Variants in NEB observed in about 807,000 individuals in gnomAD.
The protein encoded by NEB is nebulin, also known as nemaline myopathy type 2.
Under a neutral mutation model 952.2 loss-of-function variants are expected in NEB, and 512 were observed. The ratio of observed to expected loss-of-function variants is 0.54; its 90% CI spans 0.50 to 0.58. The LOEUF is 0.58. NEB is among the 20% of genes least tolerant of loss of function. The pLI, the probability that NEB is intolerant of heterozygous loss-of-function variation, is 0.00. For missense variants in NEB, 8,428 were observed against 9,231.1 expected, an observed-to-expected ratio of 0.91 and a Z score of 3.56; for synonymous variants, 2,900 against 3,149.8, an observed-to-expected ratio of 0.92 and a Z score of 2.66.
At chr2:151,517,754 A>G (rs552019813) in intron 156 of NEB, among the ~76,000 whole-genome samples, 1 of 152,306 alleles carries the variant, frequency 6.6e-6, no homozygotes, top group East Asian at 1.9e-4. Flanking sequence ...ACCTCTAAGC[A>G]TAGAAAAGGT....
At chr2:151,501,257 A>G in intron 168 of NEB, 134 bp downstream of exon 168, 1 of 561,390 alleles carries the variant, frequency 1.8e-6, no homozygotes, top group Non-Finnish European at 3.2e-6. Context: ...TCTGGAAAAC[A>G]GAAGGATTCA....
At chr2:151,498,148 G>T (rs1044920428) in intron 170 of NEB, 112 bp downstream of exon 170, 8 of 1,530,174 alleles carry the variant, frequency 5.2e-6, no homozygotes, top group Non-Finnish European at 7.1e-6. Flanking sequence ...TGTAATATAA[G>T]ATGTATTAGA....
chr2:151,620,347 GTATA>G (rs71000481), intron 72 of NEB, among the ~76,000 whole-genome samples: 2,773 of 47,790 alleles, frequency 0.058, 40 homozygotes, highest in Middle Eastern at 0.086. Context: ...GTATGTGTGT[GTATA>G]TATATATATA....
chr2:151,531,752 C>T lies in NEB; in HGVS notation c.21522+40G>A, dbSNP rs1348229289. ...ATGCCCCTCCATGTTTGCAGATGCC[C>T]CCTGAGTTTGAGAAGGTATTCAGTG... is the stretch of plus-strand genomic sequence containing the variant. On this transcript the variant is annotated intron_variant, in intron 144 of 181. Coordinates refer to ENST00000397345, the MANE Select transcript of NEB (RefSeq NM_001164508.2). 5 of 1,449,582 alleles carry T rather than the reference C, an allele frequency of 3.4e-6. No individual in the cohort carries two copies. In the Admixed American group the frequency reaches 9.0e-5, roughly 26 times the overall value. The allele number at this position is 1,449,582 out of a possible 1,614,324, so 89.8% of individuals were successfully genotyped here.
Position 151,710,531 on chromosome 2 carries a change from T to C in NEB, c.830A>G (p.Tyr277Cys), listed in dbSNP as rs1364536266. Residue 277 changes from tyrosine to cysteine, a missense_variant, in exon 11 of 182, where the codon TAC becomes TGC. Around this residue, in one of 11 missense-constraint regions of NEB, gnomAD observed 2,851 missense variants for 2,791.5 expected, o/e 1.02. Coordinates refer to ENST00000397345, the MANE Select transcript of NEB (RefSeq NM_001164508.2). ...GATTTTATTTTCATAGTCTTCTTTGTATTTTTGCTAGAAAAAAGAAAAAGA... is the reference window on the plus strand; with the variant it reads ...GATTTTATTTTCATAGTCTTCTTTGCATTTTTGCTAGAAAAAAGAAAAAGA... ...KVTNQVSKQK[Y>C]KEDYENKIKG... 6.3e-7 allele frequency: 1 copy of C among 1,591,712 alleles called. No individual in the cohort carries two copies. Among genetic ancestry groups the C allele is most frequent in the Non-Finnish European group, 8.6e-7 (1 of 1,165,848 alleles).
chr2:151,722,798 C>T (rs1196002304), intron 9 of NEB, among the ~76,000 whole-genome samples: 2 of 152,182 alleles, frequency 1.3e-5, no homozygotes, highest in Non-Finnish European at 2.9e-5. Flanking sequence ...ATCCTCCCCT[C>T]TTGGCCTCCC....
At chr2:151,499,621 T>C (rs774324371) in intron 168 of NEB, 2 of 344,364 alleles carry the variant, frequency 5.8e-6, no homozygotes, top group Non-Finnish European at 1.1e-5. Flanking sequence ...CTTGAATATA[T>C]TTATTTCCTG....
At chr2:151,552,292 A>T (rs2095384542) in intron 128 of NEB, among the ~76,000 whole-genome samples, 1 of 152,140 alleles carries the variant, frequency 6.6e-6, no homozygotes, top group Admixed American at 6.5e-5. Flanking sequence ...TGTGTGGTAG[A>T]GGTGAGACTG....
At chr2:151,488,465 A>C (rs2053063164) in intron 181 of NEB, among the ~76,000 whole-genome samples, 1 of 149,400 alleles carries the variant, frequency 6.7e-6, no homozygotes, top group Non-Finnish European at 1.5e-5. Context: ...TGGGCAACAT[A>C]GTGAGCCTCT....
At chr2:151,571,596 T>C (rs1452707477) in intron 107 of NEB, among the ~76,000 whole-genome samples, 1 of 152,242 alleles carries the variant, frequency 6.6e-6, no homozygotes, top group Non-Finnish European at 1.5e-5. Flanking sequence ...CATTTGGTAA[T>C]GTTAGATCTT....
intron 181 of NEB, chr2:151,486,171 C>T (rs934829527): frequency 4.5e-6 from 2 of 449,050 alleles, no homozygotes; most frequent in Non-Finnish European, 8.0e-6. Context: ...AATGCCTTCC[C>T]CCACCAAAAG....
intron 181 of NEB, chr2:151,486,598 T>C (rs1369084129): frequency 1.3e-5 from 2 of 152,248 alleles, no homozygotes; most frequent in African/African-American, 4.8e-5. Flanking sequence ...TGGAAACAAC[T>C]TAAATGCCCA....
At chr2:151,558,355 G>C (rs2095801410) in intron 124 of NEB, among the ~76,000 whole-genome samples, 2 of 152,078 alleles carry the variant, frequency 1.3e-5, no homozygotes, top group Admixed American at 6.6e-5. Context: ...ACTGCTCAAG[G>C]AACTAAGAGA....
chr2:151,687,328 T>G lies in NEB; in HGVS notation c.2637+91A>C, dbSNP rs964713841. 1.4e-5 allele frequency: 15 copies of G among 1,079,328 alleles called. No individual in the cohort carries two copies. The Admixed American group carries it at 2.2e-4, about 16-fold the overall frequency. The allele number at this position is 1,079,328 out of a possible 1,614,324, so 66.9% of individuals were successfully genotyped here. The stretch of plus-strand genomic sequence containing the variant: ...TGTGAATGTGATGTGAAAGAGCCCA[T>G]GCTCATGAAATTCTTTTCCACACTA... On this transcript the variant is annotated intron_variant, in intron 27 of 181. Transcript: ENST00000397345.
chr2:151,724,584 G>T (rs904473351), intron 7 of NEB, among the ~76,000 whole-genome samples: 1 of 152,162 alleles, frequency 6.6e-6, no homozygotes, highest in African/African-American at 2.4e-5. Flanking sequence ...TAGCTCCTCA[G>T]CTTCTTTGGT....
intron 129 of NEB, among the ~76,000 whole-genome samples, chr2:151,550,634 A>G (rs2095263433): frequency 6.6e-6 from 1 of 151,992 alleles, no homozygotes. Context: ...ATGAAAAACC[A>G]AATTATTTTT....
At position 151,551,770 on chromosome 2, in the gene NEB, G is replaced by T; in HGVS notation, c.19912C>A (p.Arg6638=). 6.2e-7 allele frequency: 1 copy of T among 1,613,562 alleles called. No individual in the cohort carries two copies. The highest frequency in any genetic ancestry group is 8.5e-7 in the Non-Finnish European group (1 of 1,179,662). The part of the protein sequence containing the change: ...APTTKTVDLD[R]ALHAYKLQSS... ...TGGAGCTTGTATGCATGAAGGGCCC[G>T]GTCCAGATCCACGGTTTTGGTAGTT... Residue 6638 remains arginine (R), a synonymous_variant, in exon 129 of 182, where the codon CGG becomes AGG. Coordinates refer to ENST00000397345, the MANE Select transcript of NEB (RefSeq NM_001164508.2).
In NEB at chr2:151,709,753, T is replaced by C. The variant is rs1559506055; in HGVS notation, c.938A>G (p.Gln313Arg). 1 of 1,595,898 alleles carries C rather than the reference T, an allele frequency of 6.3e-7. No homozygotes were observed. The highest frequency in any genetic ancestry group is 8.6e-7 in the Non-Finnish European group (1 of 1,169,470). Reference protein sequence around the residue: ...NADNISTRKYQEDFENMKDQI... With the variant: ...NADNISTRKYREDFENMKDQI... Reference sequence around the variant, plus strand: ...GTCTTTCATGTTTTCAAAATCTTCCTGGTATTTCCTCTGTAAGACATCAGA... The same window carrying C: ...GTCTTTCATGTTTTCAAAATCTTCCCGGTATTTCCTCTGTAAGACATCAGA... Residue 313 changes from glutamine (Q) to arginine (R), a missense_variant, in exon 12 of 182, where the codon CAG becomes CGG. By Grantham distance (43) the Gln-to-Arg change is conservative. Around this residue, in one of 11 missense-constraint regions of NEB, gnomAD observed 2,851 missense variants for 2,791.5 expected, o/e 1.02. Transcript: ENST00000397345.
At chr2:151,554,065 G>T in intron 125 of NEB, 40 bp from the exon 126 acceptor site, 1 of 1,595,764 alleles carries the variant, frequency 6.3e-7, no homozygotes, top group Non-Finnish European at 8.6e-7. Context: ...ACAGGAAATT[G>T]TGCCAAGGCA....
Sources: allele counts gnomAD v4.1 joint callset (sites outside exome capture counted in the v4.1 genomes callset), GRCh38; gene constraint gnomAD v4.1.1; regional missense constraint gnomAD v4.1.1; transcripts MANE v1.5; gene names NCBI Gene and HGNC (gene_info 2026-07-23, HGNC 2026-07-21).